Variants in ADAM2 observed in about 807,000 individuals in gnomAD.
ADAM2 encodes ADAM metallopeptidase domain 2.
A neutral mutation model predicts 99.3 loss-of-function variants in ADAM2; 101 were observed. The ratio of observed to expected loss-of-function variants is 1.02; its 90% CI spans 0.87 to 1.20. ADAM2 has a LOEUF of 1.20. Among genes scored for constraint, ADAM2 ranks in the 50% most tolerant of loss-of-function variants. The probability of loss-of-function intolerance (pLI) is 0.00; values close to 1 mark genes in which losing one functional copy is unlikely to be tolerated. For synonymous variants in ADAM2, 323 were observed against 287.6 expected, an observed-to-expected ratio of 1.12 and a Z score of -1.25; for missense variants, 948 against 878.7, an observed-to-expected ratio of 1.08 and a Z score of -1.00.
intron 18 of ADAM2, among the ~76,000 whole-genome samples, chr8:39,748,680 G>A (rs1823576057): frequency 6.6e-6 from 1 of 152,260 alleles, no homozygotes; most frequent in African/African-American, 2.4e-5. Context: ...GAACCGCACT[G>A]CCCAAGTTCC....
chr8:39,795,131 C>G (rs1423868267), intron 7 of ADAM2, among the ~76,000 whole-genome samples: 1 of 152,050 alleles, frequency 6.6e-6, no homozygotes, highest in Non-Finnish European at 1.5e-5. Context: ...TATGGACTAT[C>G]TAGATCATTT....
intron 8 of ADAM2, among the ~76,000 whole-genome samples, 153 bp downstream of exon 8, chr8:39,788,516 A>G (rs532962424): frequency 6.6e-6 from 1 of 151,994 alleles, no homozygotes; most frequent in Non-Finnish European, 1.5e-5. Flanking sequence ...TGTGCATACA[A>G]TTATTATTCC....
At chr8:39,767,305 A>G (rs1802610827) in intron 12 of ADAM2, 54 bp from the exon 13 acceptor site, 1 of 1,426,794 alleles carries the variant, frequency 7.0e-7, no homozygotes, top group African/African-American at 1.4e-5. Context: ...TTCATATTGG[A>G]CAGGCATGTT....
intron 10 of ADAM2, among the ~76,000 whole-genome samples, chr8:39,784,743 C>T (rs1038393799): frequency 2.0e-5 from 3 of 152,156 alleles, no homozygotes; most frequent in Admixed American, 2.0e-4. Flanking sequence ...CCAGATAAAT[C>T]ACTTGACCAT....
In ADAM2 at chr8:39,767,055, A is replaced by C. The variant is rs755911191; in HGVS notation, c.1312-12T>G. ...TCTTTTGACATAAACTGATGGGATG[A>C]GGTAAATGATATTGAATTAAGCAGA... On this transcript the variant is annotated splice_polypyrimidine_tract_variant and intron_variant, in intron 13 of 20. Transcript: ENST00000265708. 4.3e-6 allele frequency: 7 copies of C among 1,611,094 alleles called. No homozygotes were observed. In the Admixed American group the frequency reaches 1.2e-4, roughly 27 times the overall value.
chr8:39,762,196 C>A (rs1024391184), intron 14 of ADAM2, among the ~76,000 whole-genome samples: 2 of 152,216 alleles, frequency 1.3e-5, no homozygotes, highest in Non-Finnish European at 2.9e-5. Context: ...GGAGACTTAA[C>A]CACTACATAA....
At chr8:39,795,612 A>G (rs989291337) in intron 7 of ADAM2, among the ~76,000 whole-genome samples, 1 of 152,160 alleles carries the variant, frequency 6.6e-6, no homozygotes, top group African/African-American at 2.4e-5. Flanking sequence ...AATCTTACAT[A>G]TATCATTTGA....
At chr8:39,832,674 AT>A (rs1805664832) in intron 3 of ADAM2, among the ~76,000 whole-genome samples, 3 of 152,202 alleles carry the variant, frequency 2.0e-5, no homozygotes, top group African/African-American at 4.8e-5. Context: ...ATTTACAAAT[AT>A]CTGGTGATTC....
At chr8:39,803,654 C>T (rs1804310119) in intron 7 of ADAM2, among the ~76,000 whole-genome samples, 1 of 152,154 alleles carries the variant, frequency 6.6e-6, no homozygotes, top group Admixed American at 6.5e-5. Context: ...AACTCTAAAA[C>T]TCAGTTAGTT....
chr8:39,799,366 C>A (rs908436121), intron 7 of ADAM2, among the ~76,000 whole-genome samples: 6 of 152,174 alleles, frequency 3.9e-5, no homozygotes, highest in Non-Finnish European at 8.8e-5. Flanking sequence ...GTTTCTTAAT[C>A]CTGGGTTCTA....
At chr8:39,744,764 C>G (rs1230567781) in intron 20 of ADAM2, 66 bp downstream of exon 20, 8 of 1,070,604 alleles carry the variant, frequency 7.5e-6, no homozygotes, top group African/African-American at 4.8e-5. Flanking sequence ...AACAAACCTG[C>G]ACATTCTGCA....
At chr8:39,762,715 T>G (rs1311425919) in intron 14 of ADAM2, among the ~76,000 whole-genome samples, 1 of 152,232 alleles carries the variant, frequency 6.6e-6, no homozygotes, top group Non-Finnish European at 1.5e-5. Context: ...CCTGTGGACT[T>G]CAATTTATGC....
chr8:39,820,040 G>A (rs1563378894), intron 6 of ADAM2, among the ~76,000 whole-genome samples: 1 of 152,142 alleles, frequency 6.6e-6, no homozygotes, highest in Non-Finnish European at 1.5e-5. Flanking sequence ...ATGGCATGAT[G>A]TAGCAACAAA....
At chr8:39,822,960 G>T (rs1441972396) in intron 4 of ADAM2, among the ~76,000 whole-genome samples, 2 of 151,874 alleles carry the variant, frequency 1.3e-5, no homozygotes, top group Non-Finnish European at 2.9e-5. Context: ...GTACAGACGG[G>T]GTTTCACCAT....
At chr8:39,776,375 G>T (rs1329451871) in intron 11 of ADAM2, among the ~76,000 whole-genome samples, 1 of 152,070 alleles carries the variant, frequency 6.6e-6, no homozygotes, top group Non-Finnish European at 1.5e-5. Flanking sequence ...TGCAGGCAAT[G>T]AGGCTTGATT....
intron 1 of ADAM2, among the ~76,000 whole-genome samples, chr8:39,837,516 A>T (rs1048718240): frequency 1.3e-5 from 2 of 151,966 alleles, no homozygotes; most frequent in Admixed American, 6.6e-5. Flanking sequence ...CCTCCCCAGC[A>T]GCTGGGACTA....
chr8:39,803,095 C>A (rs1022473423), intron 7 of ADAM2, among the ~76,000 whole-genome samples: 17 of 152,092 alleles, frequency 1.1e-4, no homozygotes, highest in Non-Finnish European at 8.8e-5. Context: ...CAGAAAAGAT[C>A]GACCATGGAT....
chr8:39,745,352 A>T (rs1219021277), intron 19 of ADAM2, among the ~76,000 whole-genome samples: 1 of 152,140 alleles, frequency 6.6e-6, no homozygotes, highest in Non-Finnish European at 1.5e-5. Flanking sequence ...GGTGCTGTAT[A>T]TTATTTCAGC....
rs370356473 is a variant in ADAM2, at chr8:39,787,880, T to C, written c.809+205A>G. Among the ~76,000 whole-genome samples the C allele has an allele frequency of 1.4e-4, 22 of 151,760 alleles. No homozygotes were observed. In the South Asian group the frequency reaches 1.9e-3, roughly 13 times the overall value. ...GGAAAGAAGTAATATGGGAACAAGA[T>C]TGGGGAGTGAGTTTTAACTTCAAAC... On this transcript the variant is annotated intron_variant, in intron 9 of 20. Coordinates refer to ENST00000265708, the MANE Select transcript of ADAM2 (RefSeq NM_001464.5).
Sources: allele counts gnomAD v4.1 joint callset (sites outside exome capture counted in the v4.1 genomes callset), GRCh38; gene constraint gnomAD v4.1.1; transcripts MANE v1.5; gene names NCBI Gene and HGNC (gene_info 2026-07-23, HGNC 2026-07-21).